Variants in RGS7 observed in about 807,000 individuals in gnomAD.
RGS7 encodes regulator of G-protein signaling 7.
A neutral mutation model predicts 81.1 loss-of-function variants in RGS7; 27 were observed. The ratio of observed to expected loss-of-function variants is 0.33; its 90% CI spans 0.25 to 0.46. RGS7 has a LOEUF of 0.46. Ranked by LOEUF, RGS7 falls within the 20% of genes least tolerant of loss-of-function variation. The pLI is 1.00. For missense variants in RGS7, 396 were observed against 607.4 expected (o/e 0.65, Z 3.66); for synonymous variants, 208 against 207.7 (o/e 1.00, Z -0.01).
intron 6 of RGS7, among the ~76,000 whole-genome samples, chr1:240,907,100 A>G (rs1238101428): frequency 6.6e-6 from 1 of 152,030 alleles, no homozygotes; most frequent in Non-Finnish European, 1.5e-5. Flanking sequence ...CTTTACCTGA[A>G]ACTGTTGAAT....
chr1:241,028,951 G>A (rs572595946), intron 3 of RGS7, among the ~76,000 whole-genome samples: 2 of 152,076 alleles, frequency 1.3e-5, no homozygotes, highest in African/African-American at 2.4e-5. Flanking sequence ...TTCCTATTTC[G>A]AAGAAACTAA....
At chr1:240,844,681 C>T (rs1658734896) in intron 9 of RGS7, among the ~76,000 whole-genome samples, 2 of 152,306 alleles carry the variant, frequency 1.3e-5, no homozygotes, top group South Asian at 2.1e-4. Flanking sequence ...AACAGTTTCA[C>T]TCATAGCGGC....
intron 6 of RGS7, among the ~76,000 whole-genome samples, chr1:240,920,918 T>C (rs1673417710): frequency 1.3e-5 from 2 of 151,276 alleles, no homozygotes; most frequent in African/African-American, 2.4e-5. Flanking sequence ...CTAAATGTAA[T>C]AGTTTGATTG....
At chr1:241,308,081 T>C (rs1173545931) in intron 2 of RGS7, among the ~76,000 whole-genome samples, 2 of 152,086 alleles carry the variant, frequency 1.3e-5, no homozygotes, top group African/African-American at 2.4e-5. Context: ...CTGGAGACAA[T>C]GATCTTTATT....
chr1:241,057,704 A>G (rs2061540467), intron 3 of RGS7, among the ~76,000 whole-genome samples: 1 of 152,082 alleles, frequency 6.6e-6, no homozygotes, highest in Non-Finnish European at 1.5e-5. Flanking sequence ...CCTTGAGGTC[A>G]GGAGTTCGAG....
rs1200402708 is a variant in RGS7 at position 241,030,117 on chromosome 1, C to T, written c.176-46988G>A. On this transcript the variant is annotated intron_variant, in intron 3 of 18. Coordinates refer to ENST00000440928, the MANE Select transcript of RGS7 (RefSeq NM_001364886.1). ...TTAGGTTGTCACTTTCTCACTGATG[C>T]TTGGCAATTTACTTAAGGGAATAAG... 5.3e-5 allele frequency among the ~76,000 whole-genome samples: 8 copies of T among 152,038 alleles called. 1 individual carries two copies. The highest frequency in any genetic ancestry group is 8.8e-5 in the Non-Finnish European group (6 of 68,000).
Position 240,868,818 on chromosome 1 carries a change from C to T in RGS7, c.485G>A (p.Arg162Gln), listed in dbSNP as rs765867861. ...SLARLQRAFA[R>Q]KWEFIFMQAE... ...TTGCATGAAAATGAACTCCCACTTC[C>T]GGGCAAATGCTCTCTGCAGCCTGGC... The change falls in exon 8 of 19, where the codon CGG becomes CAG. Residue 162 changes from arginine (R) to glutamine (Q), a missense_variant. Coordinates refer to ENST00000440928, the MANE Select transcript of RGS7 (RefSeq NM_001364886.1). The surrounding 1 kb of genome is among the most constrained non-coding windows in gnomAD (Gnocchi z 5.1). 1.2e-5 allele frequency: 20 copies of T among 1,613,870 alleles called. No homozygotes were observed. Among genetic ancestry groups the T allele is most frequent in the African/African-American group, 4.0e-5 (3 of 74,866 alleles).
At chr1:240,970,986 A>C (rs1450175318) in intron 4 of RGS7, among the ~76,000 whole-genome samples, 1 of 144,442 alleles carries the variant, frequency 6.9e-6, no homozygotes, top group Non-Finnish European at 1.5e-5. Flanking sequence ...CTCAAAACAA[A>C]ATAAAATAAA....
At chr1:241,000,850 T>C (rs1446388810) in intron 3 of RGS7, among the ~76,000 whole-genome samples, 1 of 148,176 alleles carries the variant, frequency 6.7e-6, no homozygotes, top group African/African-American at 2.5e-5. Context: ...AGAAACAGTG[T>C]TTCACCATGT....
At chr1:240,948,685 C>T (rs188806684) in intron 4 of RGS7, among the ~76,000 whole-genome samples, 16 of 152,078 alleles carry the variant, frequency 1.1e-4, no homozygotes, top group African/African-American at 3.4e-4. Flanking sequence ...TCAGGTGATC[C>T]GCCTGCCTCA....
chr1:241,333,558 G>T (rs776113641), intron 2 of RGS7, among the ~76,000 whole-genome samples: 1 of 152,138 alleles, frequency 6.6e-6, no homozygotes, highest in Non-Finnish European at 1.5e-5. Flanking sequence ...AATGAGGACT[G>T]CTGTGAGGAC....
At chr1:241,294,484 T>C (rs1020753492) in intron 2 of RGS7, among the ~76,000 whole-genome samples, 3 of 152,194 alleles carry the variant, frequency 2.0e-5, no homozygotes, top group Non-Finnish European at 4.4e-5. Flanking sequence ...AGTCAAAAGC[T>C]ACAGTAAGCT....
intron 6 of RGS7, among the ~76,000 whole-genome samples, chr1:240,890,172 G>A (rs1396940141): frequency 6.7e-6 from 1 of 150,370 alleles, no homozygotes; most frequent in Admixed American, 6.6e-5. Flanking sequence ...TTTTTTTTTT[G>A]AGACGGAGTC....
chr1:241,352,990 C>T (rs2083341841), intron 2 of RGS7, among the ~76,000 whole-genome samples: 2 of 152,172 alleles, frequency 1.3e-5, no homozygotes, highest in Non-Finnish European at 2.9e-5. Flanking sequence ...AGGGAAAACA[C>T]CACGAATATT....
intron 2 of RGS7, among the ~76,000 whole-genome samples, chr1:241,351,189 C>T (rs902930705): frequency 2.4e-4 from 36 of 151,964 alleles, no homozygotes; most frequent in Admixed American, 6.6e-4. Flanking sequence ...GAGGCTGAGG[C>T]GGAAGGATGG....
intron 4 of RGS7, among the ~76,000 whole-genome samples, chr1:240,968,920 G>A (rs1172968012): frequency 6.6e-6 from 1 of 152,106 alleles, no homozygotes; most frequent in Non-Finnish European, 1.5e-5. Context: ...TACAGGAGGG[G>A]GAAAACCTAA....
At chr1:241,214,427 T>G (rs2074431473) in intron 2 of RGS7, among the ~76,000 whole-genome samples, 1 of 152,226 alleles carries the variant, frequency 6.6e-6, no homozygotes, top group South Asian at 2.1e-4. Flanking sequence ...ATAATGTTTT[T>G]TTTTTCTTTG....
intron 3 of RGS7, among the ~76,000 whole-genome samples, chr1:241,032,694 T>C (rs976478345): frequency 6.6e-6 from 1 of 152,214 alleles, no homozygotes; most frequent in African/African-American, 2.4e-5. Context: ...CTCAGAGATC[T>C]TTCACGTCCT....
intron 2 of RGS7, among the ~76,000 whole-genome samples, chr1:241,153,489 A>C (rs2068898674): frequency 6.6e-6 from 1 of 152,210 alleles, no homozygotes; most frequent in Non-Finnish European, 1.5e-5. Flanking sequence ...GGTTAGATTT[A>C]CAAAAGGCAA....
Sources: gnomAD v4.1 joint callset for allele counts (sites outside exome capture counted in the v4.1 genomes callset) on GRCh38, gnomAD v4.1.1 for gene constraint, Gnocchi (gnomAD v3.1) non-coding constraint, MANE v1.5 for transcripts, NCBI Gene and HGNC (gene_info 2026-07-23, HGNC 2026-07-21) for gene names.